Variants in ATP5MF observed in about 807,000 individuals in gnomAD.
ATP5MF encodes ATP synthase F(0) complex subunit f, mitochondrial.
ATP5MF carries 10 observed loss-of-function variants against 13.8 expected under a neutral mutation model. The ratio of observed to expected loss-of-function variants is 0.72; its 90% CI spans 0.45 to 1.23. ATP5MF has a LOEUF of 1.23. Ranked by LOEUF, ATP5MF falls within the 50% of genes most tolerant of loss-of-function variation. The pLI, the probability that ATP5MF is intolerant of heterozygous loss-of-function variation, is 0.00. For synonymous variants in ATP5MF, 40 were observed against 45.8 expected, an observed-to-expected ratio of 0.87 and a Z score of 0.51; for missense variants, 122 against 118.2, an observed-to-expected ratio of 1.03 and a Z score of -0.15.
At chr7:99,465,713 G>T (rs995904830) in intron 1 of ATP5MF, among the ~76,000 whole-genome samples, 2 of 152,188 alleles carry the variant, frequency 1.3e-5, no homozygotes, top group Admixed American at 1.3e-4. Flanking sequence ...TCCTAGTCCT[G>T]AGCTCCTCCT....
chr7:99,460,222 C>T (rs1207844480), intron 1 of ATP5MF, 29 bp from the exon 2 acceptor site: 1 of 1,611,906 alleles, frequency 6.2e-7, no homozygotes, highest in Non-Finnish European at 8.5e-7. Context: ...AAAAAATACC[C>T]ACTGAATAAT....
At chr7:99,460,532 T>C in intron 1 of ATP5MF, 1 of 546,930 alleles carries the variant, frequency 1.8e-6, no homozygotes, top group South Asian at 1.4e-5. Flanking sequence ...CTTGACATTA[T>C]TAGCTTATTT....
intron 1 of ATP5MF, chr7:99,460,416 C>A: frequency 1.4e-6 from 1 of 704,340 alleles, no homozygotes; most frequent in Non-Finnish European, 2.6e-6. Flanking sequence ...CTTTATTAAC[C>A]AACAGGACGT....
At chr7:99,463,755 G>A (rs921616251) in intron 1 of ATP5MF, among the ~76,000 whole-genome samples, 5 of 151,792 alleles carry the variant, frequency 3.3e-5, no homozygotes, top group Admixed American at 6.6e-5. Flanking sequence ...CAGCCTGGGC[G>A]ACAAAAGCAA....
At chr7:99,465,777 C>T (rs1435719247) in intron 1 of ATP5MF, among the ~76,000 whole-genome samples, 1 of 152,232 alleles carries the variant, frequency 6.6e-6, no homozygotes, top group East Asian at 1.9e-4. Flanking sequence ...CTGCGCCTAA[C>T]ATTCAAGTGC....
chr7:99,459,099 A>C, intron 3 of ATP5MF, 48 bp downstream of exon 3: 2 of 1,440,422 alleles, frequency 1.4e-6, no homozygotes, highest in East Asian at 2.3e-5. Flanking sequence ...ATCAGTCACC[A>C]CCACCCTCTC....
intron 1 of ATP5MF, among the ~76,000 whole-genome samples, chr7:99,460,831 A>G (rs1031947915): frequency 1.3e-5 from 2 of 152,212 alleles, no homozygotes; most frequent in Non-Finnish European, 2.9e-5. Context: ...ACCTGGGTTC[A>G]CACAGCTGGC....
intron 3 of ATP5MF, among the ~76,000 whole-genome samples, chr7:99,458,670 G>C (rs1342555711): frequency 6.6e-6 from 1 of 152,092 alleles, no homozygotes; most frequent in Non-Finnish European, 1.5e-5. Flanking sequence ...GGAGTGAGGT[G>C]GGGGTAGGGG....
chr7:99,462,719 G>A (rs1225865262), intron 1 of ATP5MF, among the ~76,000 whole-genome samples: 1 of 152,242 alleles, frequency 6.6e-6, no homozygotes, highest in Non-Finnish European at 1.5e-5. Flanking sequence ...AGGTTGCAGT[G>A]AGCCAAGATC....
intron 1 of ATP5MF, among the ~76,000 whole-genome samples, chr7:99,465,075 C>T (rs55942267): frequency 6.6e-6 from 1 of 151,854 alleles, no homozygotes; most frequent in African/African-American, 2.4e-5. Flanking sequence ...GCCTGGCCAA[C>T]GTGGTGAAAG....
At chr7:99,458,410 A>G in intron 3 of ATP5MF, 55 bp from the exon 4 acceptor site, 2 of 1,559,876 alleles carry the variant, frequency 1.3e-6, no homozygotes, top group South Asian at 1.2e-5. Flanking sequence ...GTGAAGGCAC[A>G]GCATGGCAGG....
rs188526183 is a variant in ATP5MF, at chr7:99,464,754, A to T, written c.31+1357T>A. Among the ~76,000 whole-genome samples, 5 of 151,880 alleles carry T rather than the reference A, an allele frequency of 3.3e-5. No homozygotes were observed. The East Asian group carries it at 9.7e-4, about 29-fold the overall frequency. ...AGCAGGTGACTCACTTGAGGTCAAG[A>T]GTTTGAGACCAGCCTGGTCAACGTG... On this transcript the variant is annotated intron_variant, in intron 1 of 3. Coordinates refer to ENST00000292475, the MANE Select transcript of ATP5MF (RefSeq NM_004889.5).
chr7:99,465,203 G>A (rs1205446991), intron 1 of ATP5MF, among the ~76,000 whole-genome samples: 1 of 150,318 alleles, frequency 6.7e-6, no homozygotes, highest in Non-Finnish European at 1.5e-5. Context: ...AGGTTACAGT[G>A]AGCCGAGATC....
chr7:99,463,134 C>T (rs1798691907), intron 1 of ATP5MF, among the ~76,000 whole-genome samples: 1 of 152,188 alleles, frequency 6.6e-6, no homozygotes, highest in Non-Finnish European at 1.5e-5. Flanking sequence ...GTGCGAATAT[C>T]CCCACCACTT....
chr7:99,462,929 T>A (rs1197155742), intron 1 of ATP5MF, among the ~76,000 whole-genome samples: 1 of 152,214 alleles, frequency 6.6e-6, no homozygotes, highest in East Asian at 1.9e-4. Flanking sequence ...AGAGACCCAG[T>A]AGAGTTCAGA....
In ATP5MF at chr7:99,460,118, C is replaced by G; in HGVS notation, c.107G>C (p.Ser36Thr). Residue 36 changes from serine to threonine, a missense_variant, in exon 2 of 4, where the codon AGT (serine) becomes ACT (threonine). Transcript: ENST00000292475. ...AAACGCTCCGAAAATGCCACTAGGACTGAAGTCCCGCATCAAGATCCAGCT... is the reference window on the plus strand; with the variant it reads ...AAACGCTCCGAAAATGCCACTAGGAGTGAAGTCCCGCATCAAGATCCAGCT... The part of the protein sequence containing the change: ...LPSWILMRDF[S>T]PSGIFGAFQR... 1 of 1,614,144 alleles carries G rather than the reference C, an allele frequency of 6.2e-7. No homozygotes were observed. Among genetic ancestry groups the G allele is most frequent in the Non-Finnish European group, 8.5e-7 (1 of 1,179,988 alleles).
At chr7:99,464,476 A>T (rs1007753476) in intron 1 of ATP5MF, among the ~76,000 whole-genome samples, 1 of 152,036 alleles carries the variant, frequency 6.6e-6, no homozygotes, top group African/African-American at 2.4e-5. Context: ...ATCCTGGCTA[A>T]CACAGTGAAA....
intron 1 of ATP5MF, chr7:99,460,495 G>A (rs752401037): frequency 3.2e-6 from 2 of 617,768 alleles, no homozygotes; most frequent in South Asian, 1.4e-5. Flanking sequence ...TGGCGGACAG[G>A]AAAGATTACT....
Position 99,466,126 on chromosome 7 carries a change from C to T in ATP5MF, c.16G>A (p.Glu6Lys). MASVG[E>K]CPAPVPVKDK... ...ACAGCCTTACCTGGGGCCGGACACT[C>T]ACCAACTGACGCCATTTTGGAGTCC... Residue 6 changes from glutamate to lysine, a missense_variant, in exon 1 of 4, where the codon GAG (glutamate) becomes AAG (lysine). Physicochemically the swap from Glu to Lys is moderately conservative, Grantham distance 56. Coordinates refer to ENST00000292475, the MANE Select transcript of ATP5MF (RefSeq NM_004889.5). 2 of 1,614,186 alleles carry T rather than the reference C, an allele frequency of 1.2e-6. No individual in the cohort carries two copies. The highest frequency in any genetic ancestry group is 1.7e-6 in the Non-Finnish European group (2 of 1,180,034).
Sources: gnomAD v4.1 joint callset for allele counts (sites outside exome capture counted in the v4.1 genomes callset) on GRCh38, gnomAD v4.1.1 for gene constraint, MANE v1.5 for transcripts, NCBI Gene and HGNC (gene_info 2026-07-23, HGNC 2026-07-21) for gene names.